The following DDAH1 variants were observed in gnomAD, a reference collection of about 807,000 sequenced individuals.
DDAH1 encodes dimethylarginine dimethylaminohydrolase 1.
Under a neutral mutation model 28.8 loss-of-function variants are expected in DDAH1, and 19 were observed. That is an observed-to-expected ratio of 0.66 (90% confidence interval 0.46 to 0.97). DDAH1 has a LOEUF of 0.97. Ranked by LOEUF, DDAH1 falls within the 50% of genes least tolerant of loss-of-function variation. The pLI is 0.00. For synonymous variants in DDAH1, 153 were observed against 154.4 expected (o/e 0.99, Z 0.07); for missense variants, 326 against 375.9 (o/e 0.87, Z 1.10).
intron 1 of DDAH1, among the ~76,000 whole-genome samples, chr1:85,387,069 G>A (rs1651304707): frequency 6.6e-6 from 1 of 152,172 alleles, no homozygotes; most frequent in African/African-American, 2.4e-5. Flanking sequence ...CTCTGGGTCT[G>A]TGATGGGAAA....
chr1:85,545,025 CATT>C (rs1658579352), intron 1 of DDAH1, among the ~76,000 whole-genome samples: 1 of 152,156 alleles, frequency 6.6e-6, no homozygotes, highest in Non-Finnish European at 1.5e-5. Context: ...CAAAATCTAA[CATT>C]ATATGAGATA....
chr1:85,352,905 G>C (rs1649297798), intron 2 of DDAH1, among the ~76,000 whole-genome samples: 1 of 150,652 alleles, frequency 6.6e-6, no homozygotes, highest in African/African-American at 2.4e-5. Flanking sequence ...TAAAAGAACA[G>C]TACTAGACAT....
In DDAH1 at chr1:85,324,729, TA is replaced by T. The variant is rs1647263622; in HGVS notation, c.741+10del. 2.5e-6 allele frequency: 4 copies of T among 1,614,100 alleles called. No homozygotes were observed. The highest frequency in any genetic ancestry group is 3.3e-4 in the Middle Eastern group (2 of 6,062). On this transcript the variant is annotated intron_variant, in intron 5 of 5. Coordinates refer to ENST00000284031, the MANE Select transcript of DDAH1 (RefSeq NM_012137.4). ...ACCCAGCTGCAGTGGTCAGAAGGGA[TA>T]TTTTTTTACCTTTGCACTTTCTGGA...
At position 85,414,193 on chromosome 1, in the gene DDAH1, GGGCTATAGCTCACAAC is replaced by G. The variant is rs1557600475; in HGVS notation, c.303+50534_303+50549del. The stretch of plus-strand genomic sequence containing the variant: ...CCAGAAACAGATCCACACATATATA[GGGCTATAGCTCACAAC>G]AAAGAGAGCATTGTAGATCAGCAGG... On this transcript the variant is annotated intron_variant, in intron 1 of 5. Transcript: ENST00000284031. Among the ~76,000 whole-genome samples the G allele has an allele frequency of 2.1e-3, 327 of 152,210 alleles. 2 individuals carry two copies. Among genetic ancestry groups the G allele is most frequent in the African/African-American group, 7.7e-3 (318 of 41,526 alleles).
chr1:85,415,371 C>A (rs1652846274), intron 1 of DDAH1, among the ~76,000 whole-genome samples: 1 of 152,100 alleles, frequency 6.6e-6, no homozygotes, highest in South Asian at 2.1e-4. Flanking sequence ...GCTATTTCAG[C>A]AGTACTTACT....
intron 1 of DDAH1, among the ~76,000 whole-genome samples, chr1:85,396,637 A>C (rs1218001529): frequency 6.6e-6 from 1 of 152,136 alleles, no homozygotes; most frequent in Non-Finnish European, 1.5e-5. Context: ...AGAGATATTA[A>C]ACCAATTAGG....
chr1:85,532,195 G>A (rs1256480402), intron 1 of DDAH1, among the ~76,000 whole-genome samples: 2 of 151,938 alleles, frequency 1.3e-5, no homozygotes, highest in African/African-American at 2.4e-5. Context: ...CAGAGGCTAC[G>A]TGTCAAGACC....
At chr1:85,481,098 G>GGTTTTTTTT (rs1442100920) in intron 2 of DDAH1, among the ~76,000 whole-genome samples, 2 of 113,456 alleles carry the variant, frequency 1.8e-5, no homozygotes, top group Non-Finnish European at 1.8e-5. Flanking sequence ...TGGGTTTTTT[G>GGTTTTTTTT]TTTTTTTTTT....
rs575270305 is a variant in DDAH1 at position 85,496,062 on chromosome 1, T to C, written c.-7+104A>G. ...TGTAATTTAAATCTATCCAGGAGTATTGACATATAAGAACACTTGAATGCA... is the reference window on the plus strand; with the variant it reads ...TGTAATTTAAATCTATCCAGGAGTACTGACATATAAGAACACTTGAATGCA... On this transcript the variant is annotated intron_variant, in intron 2 of 6. Coordinates refer to the DDAH1 transcript ENST00000426972. 1.2e-4 allele frequency: 22 copies of C among 179,904 alleles called. No homozygotes were observed. The South Asian group carries it at 3.2e-3, about 26-fold the overall frequency. The allele number at this position is 179,904 out of a possible 1,614,324, so 11.1% of individuals were successfully genotyped here. A position where few individuals can be genotyped will look rare whatever the true frequency, so the allele number is the denominator to read the frequency against.
At chr1:85,510,584 G>A (rs1484205607) in intron 1 of DDAH1, among the ~76,000 whole-genome samples, 2 of 151,962 alleles carry the variant, frequency 1.3e-5, no homozygotes, top group Non-Finnish European at 2.9e-5. Context: ...GACCCATCAG[G>A]GTGCTGTATT....
chr1:85,334,020 C>G (rs1436637391), intron 4 of DDAH1, among the ~76,000 whole-genome samples: 1 of 152,312 alleles, frequency 6.6e-6, no homozygotes, highest in East Asian at 1.9e-4. Context: ...TGTCCCCACC[C>G]AATTCTCATC....
In DDAH1 at chr1:85,403,803, A is replaced by G. The variant is rs1164828418; in HGVS notation, c.304-44956T>C. The stretch of plus-strand genomic sequence containing the variant: ...TTGGACCATTAATCTGTAATTTAAC[A>G]TAGTTGTTAAAATAAACGGATGTTT... On this transcript the variant is annotated intron_variant, in intron 1 of 5. Coordinates refer to ENST00000284031, the MANE Select transcript of DDAH1 (RefSeq NM_012137.4). Among the ~76,000 whole-genome samples the G allele has an allele frequency of 2.6e-5, 4 of 152,350 alleles. 1 individual carries two copies. The highest frequency in any genetic ancestry group is 2.9e-5 in the Non-Finnish European group (2 of 68,018).
At chr1:85,397,193 A>G (rs1430879749) in intron 1 of DDAH1, among the ~76,000 whole-genome samples, 1 of 152,216 alleles carries the variant, frequency 6.6e-6, no homozygotes, top group Non-Finnish European at 1.5e-5. Flanking sequence ...AATGATGGCT[A>G]TTTTAAGTCT....
At chr1:85,427,294 GGA>G (rs1653451696) in intron 1 of DDAH1, among the ~76,000 whole-genome samples, 4 of 149,838 alleles carry the variant, frequency 2.7e-5, no homozygotes. Context: ...AAAAAAAGTG[GGA>G]GACAATGGAA....
rs572067470 is a variant in DDAH1 at position 85,393,460 on chromosome 1, A to G, written c.304-34613T>C. ...GTGATCCAATTAATAAACAATCTAA[A>G]ATGACCACCTATTGTACTAAATTGG... On this transcript the variant is annotated intron_variant, in intron 1 of 5. Transcript: ENST00000284031. 6.6e-5 allele frequency among the ~76,000 whole-genome samples: 10 copies of G among 152,328 alleles called. No homozygotes were observed. The South Asian group carries it at 2.1e-3, about 32-fold the overall frequency.
At chr1:85,424,811 C>A (rs12135333) in intron 1 of DDAH1, among the ~76,000 whole-genome samples, 24,476 of 151,668 alleles carry the variant, frequency 0.16, 2,288 homozygotes, top group Admixed American at 0.22. Flanking sequence ...GTTCTATAAT[C>A]ATAAAAAAGT....
At chr1:85,428,293 A>G (rs966259896) in intron 1 of DDAH1, among the ~76,000 whole-genome samples, 2 of 152,210 alleles carry the variant, frequency 1.3e-5, no homozygotes, top group Non-Finnish European at 2.9e-5. Context: ...ATGGACTCAC[A>G]GTTCCACATG....
At chr1:85,506,404 G>A (rs1166782653) in intron 1 of DDAH1, among the ~76,000 whole-genome samples, 1 of 152,156 alleles carries the variant, frequency 6.6e-6, no homozygotes, top group Non-Finnish European at 1.5e-5. Context: ...ATGACCATTA[G>A]CATTTAAAAT....
At chr1:85,573,255 T>A (rs1659509463) in intron 1 of DDAH1, among the ~76,000 whole-genome samples, 1 of 152,222 alleles carries the variant, frequency 6.6e-6, no homozygotes, top group Non-Finnish European at 1.5e-5. Context: ...TGTGTGCTCA[T>A]CTACTGTGCC....
Sources: allele counts gnomAD v4.1 joint callset (sites outside exome capture counted in the v4.1 genomes callset), GRCh38; gene constraint gnomAD v4.1.1; transcripts MANE v1.5; gene names NCBI Gene and HGNC (gene_info 2026-07-23, HGNC 2026-07-21).